Variants in WWOX observed in about 807,000 individuals in gnomAD.
WWOX encodes the protein WW domain-containing oxidoreductase.
A neutral mutation model predicts 46.2 loss-of-function variants in WWOX; 69 were observed. That is an observed-to-expected ratio of 1.49 (90% CI 1.23 to 1.82). WWOX has a LOEUF of 1.82. WWOX is among the 40% of genes most tolerant of loss of function. The probability of loss-of-function intolerance (pLI) is 0.00; values close to 1 mark genes in which losing one functional copy is unlikely to be tolerated. For missense variants in WWOX, 919 were observed against 542.6 expected (o/e 1.69, Z -6.89); for synonymous variants, 359 against 202.6 (o/e 1.77, Z -6.56).
intron 8 of WWOX, among the ~76,000 whole-genome samples, chr16:78,880,021 G>C (rs2044311130): frequency 6.6e-6 from 1 of 152,172 alleles, no homozygotes; most frequent in South Asian, 2.1e-4. Flanking sequence ...AGAATTTATA[G>C]TCAAAAGTAG....
intron 8 of WWOX, among the ~76,000 whole-genome samples, chr16:78,818,261 C>G (rs989111762): frequency 3.3e-5 from 5 of 152,198 alleles, no homozygotes; most frequent in African/African-American, 9.6e-5. Flanking sequence ...GGCTGCACAT[C>G]AGAGCCCATC....
chr16:78,125,104 T>C (rs2033303866), intron 4 of WWOX, among the ~76,000 whole-genome samples: 1 of 152,214 alleles, frequency 6.6e-6, no homozygotes, highest in Non-Finnish European at 1.5e-5. Context: ...ATGTACTTAA[T>C]TGTTACAGAT....
Position 79,212,308 on chromosome 16 carries a change from G to C in WWOX, c.*512G>C, listed in dbSNP as rs571475445. 3 of 910,916 alleles carry C rather than the reference G, an allele frequency of 3.3e-6. No individual in the cohort carries two copies. The highest frequency in any genetic ancestry group is 5.9e-5 in the Admixed American group (2 of 33,844). The allele number at this position is 910,916 out of a possible 1,614,324, so 56.4% of individuals were successfully genotyped here. A position where few individuals can be genotyped will look rare whatever the true frequency, so the allele number is the denominator to read the frequency against. ...GAGCCAGCTTAGCAACTGCTGGGGA[G>C]ACAAATCTCAGAACCTTGTCCCAGC... is the stretch of plus-strand genomic sequence containing the variant. On this transcript the variant is annotated 3_prime_UTR_variant, in exon 9 of 9. Coordinates refer to ENST00000566780, the MANE Select transcript of WWOX (RefSeq NM_016373.4).
chr16:78,599,241 G>C (rs961424219), intron 8 of WWOX, among the ~76,000 whole-genome samples: 8 of 152,210 alleles, frequency 5.3e-5, no homozygotes, highest in Non-Finnish European at 8.8e-5. Context: ...TTTTGAGAAA[G>C]AGGAAAATTC....
rs889493266 is a variant in WWOX at position 78,135,876 on chromosome 16, C to A, written c.409+20722C>A. ...TTTGAGACGTCTAGAATAGAGAATT[C>A]ACCTTTGTAGCTGGAATTTATTCAG... On this transcript the variant is annotated intron_variant, in intron 4 of 8. Coordinates refer to ENST00000566780, the MANE Select transcript of WWOX (RefSeq NM_016373.4). Among the ~76,000 whole-genome samples, 5 of 152,076 alleles carry A rather than the reference C, an allele frequency of 3.3e-5. 1 individual carries two copies. Among genetic ancestry groups the A allele is most frequent in the African/African-American group, 1.2e-4 (5 of 41,400 alleles).
At chr16:78,449,056 A>G (rs1281121010) in intron 8 of WWOX, among the ~76,000 whole-genome samples, 3 of 152,172 alleles carry the variant, frequency 2.0e-5, no homozygotes, top group East Asian at 3.9e-4. Context: ...TCAAGTAGGC[A>G]TTATACCAGG....
At chr16:78,335,202 CGGTGGTTTG>C (rs1180184062) in intron 5 of WWOX, among the ~76,000 whole-genome samples, 4 of 152,186 alleles carry the variant, frequency 2.6e-5, no homozygotes, top group Non-Finnish European at 5.9e-5. Context: ...TCATCTGCCA[CGGTGGTTTG>C]CTGCAGAGAT....
intron 8 of WWOX, among the ~76,000 whole-genome samples, chr16:78,600,892 G>C (rs567422017): frequency 2.3e-4 from 35 of 152,276 alleles, no homozygotes; most frequent in Non-Finnish European, 3.8e-4. Flanking sequence ...GGAGAAGCCT[G>C]TGTGACCCTG....
At chr16:78,573,129 C>CA (rs113049169) in intron 8 of WWOX, among the ~76,000 whole-genome samples, 6,842 of 152,074 alleles carry the variant, frequency 0.045, 208 homozygotes, top group African/African-American at 0.084. Flanking sequence ...ACCAAAAATA[C>CA]AAAAAATTAG....
At chr16:78,391,229 C>G (rs1567544597) in intron 6 of WWOX, among the ~76,000 whole-genome samples, 1 of 152,148 alleles carries the variant, frequency 6.6e-6, no homozygotes. Context: ...AGAGGGAGCC[C>G]TCCTAACCAT....
chr16:78,969,085 C>T (rs1416104274), intron 8 of WWOX, among the ~76,000 whole-genome samples: 2 of 152,026 alleles, frequency 1.3e-5, no homozygotes, highest in Non-Finnish European at 2.9e-5. Context: ...AGAGACCTGG[C>T]GTATAATTGT....
chr16:79,151,431 C>T (rs916296585), intron 8 of WWOX, among the ~76,000 whole-genome samples: 1 of 152,164 alleles, frequency 6.6e-6, no homozygotes, highest in African/African-American at 2.4e-5. Flanking sequence ...TACCCTGGAC[C>T]AGACATTCCT....
chr16:78,926,024 A>G (rs1026673117), intron 8 of WWOX, among the ~76,000 whole-genome samples: 5 of 152,234 alleles, frequency 3.3e-5, no homozygotes, highest in Non-Finnish European at 7.3e-5. Context: ...TGTAGAGTCT[A>G]TGAACAATTC....
chr16:78,281,314 G>C (rs1295745898), intron 5 of WWOX, among the ~76,000 whole-genome samples: 1 of 152,170 alleles, frequency 6.6e-6, no homozygotes, highest in Non-Finnish European at 1.5e-5. Context: ...TGAGATTTGG[G>C]CGGGGACAAA....
intron 8 of WWOX, among the ~76,000 whole-genome samples, chr16:78,801,730 A>G (rs1046503090): frequency 2.0e-5 from 3 of 152,152 alleles, no homozygotes; most frequent in African/African-American, 7.2e-5. Context: ...CCATCCTGCC[A>G]TTGTCCCTCT....
chr16:79,186,353 C>T (rs1325250128), intron 8 of WWOX, among the ~76,000 whole-genome samples: 1 of 152,174 alleles, frequency 6.6e-6, no homozygotes, highest in East Asian at 1.9e-4. Context: ...CTCTAGAGAA[C>T]TCTCCTTGCT....
rs143493346 is a variant in WWOX at position 79,211,377 on chromosome 16, C to G, written c.1057-231C>G. On this transcript the variant is annotated intron_variant, in intron 8 of 8. Coordinates refer to ENST00000566780, the MANE Select transcript of WWOX (RefSeq NM_016373.4). ...CCAAGCCTGTCCCTGTATGAGGTGT[C>G]AAAAGTTACACCAGCTTTACAAGCG... 3.7e-3 allele frequency among the ~76,000 whole-genome samples: 565 copies of G among 152,266 alleles called. 4 individuals are homozygous for G. Among genetic ancestry groups the G allele is most frequent in the Non-Finnish European group, 4.9e-3 (335 of 68,026 alleles).
In WWOX at chr16:79,039,474, C is replaced by G. The variant is rs369960336; in HGVS notation, c.1057-172134C>G. ...GGGCACAGCTGTGCAGAACCAGAGG[C>G]GACGCATTTGCCCATCGTAAAGGCT... is the stretch of plus-strand genomic sequence containing the variant. On this transcript the variant is annotated intron_variant, in intron 8 of 8. Coordinates refer to ENST00000566780, the MANE Select transcript of WWOX (RefSeq NM_016373.4). Among the ~76,000 whole-genome samples the G allele has an allele frequency of 2.4e-3, 371 of 152,234 alleles. 2 individuals are homozygous for G. The highest frequency in any genetic ancestry group is 8.6e-3 in the African/African-American group (356 of 41,546).
At chr16:78,683,614 C>G (rs2738626) in intron 8 of WWOX, among the ~76,000 whole-genome samples, 15,500 of 151,944 alleles carry the variant, frequency 0.1, 1,187 homozygotes, top group African/African-American at 0.22. Flanking sequence ...GTTGCCTAGG[C>G]TGGTCTTGAA....
Sources: allele counts gnomAD v4.1 joint callset (sites outside exome capture counted in the v4.1 genomes callset), GRCh38; gene constraint gnomAD v4.1.1; transcripts MANE v1.5; gene names NCBI Gene and HGNC (gene_info 2026-07-23, HGNC 2026-07-21).